PRR3: variants seen among roughly 807,000 people sequenced by gnomAD.
PRR3 encodes proline-rich protein 3.
Under a neutral mutation model 22.4 loss-of-function variants are expected in PRR3, and 16 were observed. The observed-to-expected ratio is 0.71, with a 90% confidence interval of 0.48 to 1.09. PRR3 has a LOEUF of 1.09. Among genes scored for constraint, PRR3 ranks in the 50% least tolerant of loss-of-function variants. The probability of loss-of-function intolerance (pLI) is 0.00; values close to 1 mark genes in which losing one functional copy is unlikely to be tolerated. For missense variants in PRR3, 224 were observed against 243.4 expected (o/e 0.92, Z 0.53); for synonymous variants, 87 against 88.6 (o/e 0.98, Z 0.10).
At chr6:30,556,891 A>T, upstream of PRR3, 1 of 601,094 alleles carries the variant, frequency 1.7e-6, no homozygotes, top group South Asian at 2.0e-5. The surrounding 1 kb of genome is among the most constrained non-coding windows in gnomAD (Gnocchi z 5.7). Context: ...AGGGAAACCC[A>T]AGCGGGACAA....
At chr6:30,558,368 G>T in intron 2 of PRR3, 156 bp downstream of exon 2, 1 of 629,722 alleles carries the variant, frequency 1.6e-6, no homozygotes, top group South Asian at 2.0e-5. Context: ...AAAACTCAAT[G>T]TTGTAAAAAT....
In PRR3 at chr6:30,558,172, T is replaced by TC; in HGVS notation, c.135dup (p.Met46HisfsTer10). 3 of 1,612,502 alleles carry TC rather than the reference T, an allele frequency of 1.9e-6. No individual in the cohort carries two copies. The highest frequency in any genetic ancestry group is 2.5e-6 in the Non-Finnish European group (3 of 1,179,738). ...TAGGACCACCCAGCCTTCTGGGCCCTCCCCCCATGGCCAATGGAAAACCTG... is the reference window on the plus strand; with the variant it reads ...TAGGACCACCCAGCCTTCTGGGCCCTCCCCCCCATGGCCAATGGAAAACCTG... On this transcript the variant is annotated frameshift_variant, in exon 2 of 4. Transcript: ENST00000376560. LOFTEE classifies it high-confidence loss of function.
At chr6:30,560,191 C>G (rs966529663) in intron 2 of PRR3, 1 of 151,546 alleles carries the variant, frequency 6.6e-6, no homozygotes, top group African/African-American at 2.4e-5. Flanking sequence ...ATGGCAAAAC[C>G]CTGTCTCTAC....
intron 2 of PRR3, among the ~76,000 whole-genome samples, chr6:30,559,224 A>G (rs547471642): frequency 9.8e-4 from 149 of 152,234 alleles, no homozygotes; most frequent in African/African-American, 3.2e-3. Context: ...TAAAAATACA[A>G]AAATTAGCCG....
chr6:30,557,023 G>A (rs546673450), upstream of PRR3: 16 of 692,546 alleles, frequency 2.3e-5, no homozygotes, highest in East Asian at 3.8e-4. Flanking sequence ...TCTGGCCCGA[G>A]AGCCTGTTGA....
At chr6:30,556,986 C>T, upstream of PRR3, 1 of 645,904 alleles carries the variant, frequency 1.5e-6, no homozygotes, top group Non-Finnish European at 2.8e-6. This position sits in a 1 kb window ranked among gnomAD's most constrained non-coding sequence, Gnocchi z 5.7. Flanking sequence ...GGCGATCTTA[C>T]GGTGCGACAG....
chr6:30,556,783 C>T (rs1044041565), upstream of PRR3: 1 of 453,074 alleles, frequency 2.2e-6, no homozygotes, highest in Non-Finnish European at 4.0e-6. This position sits in a 1 kb window ranked among gnomAD's most constrained non-coding sequence, Gnocchi z 5.7. Context: ...GGGCGGCGGT[C>T]TGAGAGTCCT....
intron 2 of PRR3, chr6:30,558,440 T>G: frequency 1.8e-6 from 1 of 548,330 alleles, no homozygotes; most frequent in Non-Finnish European, 3.3e-6. Flanking sequence ...ACCCATAATG[T>G]TTTTGTGGAA....
At chr6:30,557,062 G>A (rs1418033628), upstream of PRR3, 2 of 701,852 alleles carry the variant, frequency 2.8e-6, no homozygotes, top group East Asian at 5.4e-5. Context: ...GGAGCTGGTT[G>A]TGGTGTTTTC....
chr6:30,559,999 A>ATGTGGATGTGGACTT (rs1800520415), intron 2 of PRR3: 1 of 152,216 alleles, frequency 6.6e-6, no homozygotes, highest in African/African-American at 2.4e-5. Context: ...ATACTACAAC[A>ATGTGGATGTGGACTT]TGGATGAACT....
Position 30,563,139 on chromosome 6 carries a change from T to C in PRR3, c.*644T>C, listed in dbSNP as rs1800759368. ...TGAAACTGTGCATCCCCTTGTAGCCTTTCTCAGTGTCCGTGGCATTTTTGT... is the reference window on the plus strand; with the variant it reads ...TGAAACTGTGCATCCCCTTGTAGCCCTTCTCAGTGTCCGTGGCATTTTTGT... On this transcript the variant is annotated 3_prime_UTR_variant, in exon 4 of 4. Transcript: ENST00000376560. 2 of 152,688 alleles carry C rather than the reference T, an allele frequency of 1.3e-5. No individual in the cohort carries two copies. The highest frequency in any genetic ancestry group is 4.8e-5 in the African/African-American group (2 of 41,458). The allele number at this position is 152,688 out of a possible 1,614,324, so 9.5% of individuals were successfully genotyped here. A position where few individuals can be genotyped will look rare whatever the true frequency, so the allele number is the denominator to read the frequency against.
At chr6:30,562,153 T>G (rs1473080484) in intron 3 of PRR3, 29 bp downstream of exon 3, 1 of 1,527,442 alleles carries the variant, frequency 6.5e-7, no homozygotes, top group Non-Finnish European at 8.8e-7. Flanking sequence ...TGCCCATTAC[T>G]CCCAGAGTGA....
At chr6:30,558,255 A>G in intron 2 of PRR3, 43 bp downstream of exon 2, 1 of 1,536,292 alleles carries the variant, frequency 6.5e-7, no homozygotes, top group East Asian at 2.2e-5. Flanking sequence ...GGTCGTAGAG[A>G]AGACAGCAAG....
chr6:30,559,352 G>A (rs777405815), intron 2 of PRR3, among the ~76,000 whole-genome samples: 24 of 152,128 alleles, frequency 1.6e-4, no homozygotes, highest in Non-Finnish European at 2.4e-4. Flanking sequence ...ACTCCAGCCT[G>A]GGGGACAGAG....
At chr6:30,556,965 G>A (rs935204936), upstream of PRR3, 3 of 634,064 alleles carry the variant, frequency 4.7e-6, no homozygotes, top group Non-Finnish European at 8.5e-6. This position sits in a 1 kb window ranked among gnomAD's most constrained non-coding sequence, Gnocchi z 5.7. Flanking sequence ...TAGTAACCGA[G>A]GACCGGATGT....
chr6:30,557,252 TG>T (rs1421534218), upstream of PRR3: 1 of 966,860 alleles, frequency 1.0e-6, no homozygotes, highest in Non-Finnish European at 1.6e-6. Context: ...TCAGCATTGC[TG>T]CCCACCGACC....
intron 2 of PRR3, 64 bp downstream of exon 2, chr6:30,558,276 A>G: frequency 7.4e-7 from 1 of 1,346,690 alleles, no homozygotes; most frequent in Non-Finnish European, 1.1e-6. Flanking sequence ...GGAGGGGATA[A>G]AACCCAGGAA....
At position 30,558,199 on chromosome 6, in the gene PRR3, C is replaced by T. The variant is rs1202243526; in HGVS notation, c.156C>T (p.Gly52=). 2 of 1,612,902 alleles carry T rather than the reference C, an allele frequency of 1.2e-6. No homozygotes were observed. The highest frequency in any genetic ancestry group is 1.7e-6 in the Non-Finnish European group (2 of 1,179,928). ...CCCCCATGGCCAATGGAAAACCTGG[C>T]GACCCTAAGTCAGGTGAGGAGGAAG... ...GPPPMANGKP[G]DPKSALHRGP... The change falls in exon 2 of 4, where the codon GGC becomes GGT. Residue 52 remains glycine (G), a synonymous_variant. Transcript: ENST00000376560.
intron 2 of PRR3, 97 bp downstream of exon 2, chr6:30,558,309 G>C: frequency 1.0e-6 from 1 of 972,598 alleles, no homozygotes; most frequent in Non-Finnish European, 1.6e-6. Flanking sequence ...AAAAGATCAG[G>C]GATTCCATCC....
Sources: allele counts gnomAD v4.1 joint callset (sites outside exome capture counted in the v4.1 genomes callset), GRCh38; gene constraint gnomAD v4.1.1; non-coding constraint Gnocchi (gnomAD v3.1); transcripts MANE v1.5; gene names NCBI Gene and HGNC (gene_info 2026-07-23, HGNC 2026-07-21).